Variants in FER observed in about 807,000 individuals in gnomAD.
FER encodes the protein tyrosine-protein kinase Fer.
A neutral mutation model predicts 111.0 loss-of-function variants in FER; 63 were observed. The ratio of observed to expected loss-of-function variants is 0.57; its 90% CI spans 0.46 to 0.70. The LOEUF is 0.70. Among genes scored for constraint, FER ranks in the 30% least tolerant of loss-of-function variants. The pLI is 0.00. For missense variants in FER, 914 were observed against 954.0 expected (o/e 0.96, Z 0.55); for synonymous variants, 327 against 313.9 (o/e 1.04, Z -0.44).
chr5:108,915,410 T>G (rs1752137464), intron 10 of FER, among the ~76,000 whole-genome samples: 1 of 152,158 alleles, frequency 6.6e-6, no homozygotes, highest in Non-Finnish European at 1.5e-5. Context: ...AGGCAGAGGA[T>G]GCATGAGCCG....
intron 17 of FER, among the ~76,000 whole-genome samples, chr5:109,131,174 C>G (rs1485837746): frequency 3.9e-5 from 6 of 152,186 alleles, no homozygotes; most frequent in East Asian, 3.9e-4. Context: ...CTCACAAGTT[C>G]AAAATTGTAG....
At chr5:108,761,024 G>C (rs1751681101) in intron 1 of FER, among the ~76,000 whole-genome samples, 1 of 151,848 alleles carries the variant, frequency 6.6e-6, no homozygotes, top group African/African-American at 2.4e-5. Flanking sequence ...TCCGCCTCCT[G>C]GGTTCAAGCA....
intron 13 of FER, among the ~76,000 whole-genome samples, chr5:109,031,380 G>A (rs1395447617): frequency 6.6e-6 from 1 of 152,108 alleles, no homozygotes; most frequent in Non-Finnish European, 1.5e-5. Flanking sequence ...AAGGAGCAGG[G>A]AGAATTATGC....
At chr5:108,984,998 G>C (rs954742096) in intron 13 of FER, among the ~76,000 whole-genome samples, 2 of 152,024 alleles carry the variant, frequency 1.3e-5, no homozygotes, top group Non-Finnish European at 2.9e-5. Flanking sequence ...GCAATTTTGA[G>C]TATCTAATAA....
intron 10 of FER, among the ~76,000 whole-genome samples, chr5:108,937,158 T>C (rs932356603): frequency 6.6e-6 from 1 of 152,012 alleles, no homozygotes; most frequent in Non-Finnish European, 1.5e-5. Flanking sequence ...ATATGTAGCA[T>C]TTATTTTAAT....
chr5:109,144,754 C>G (rs998920305), intron 17 of FER, among the ~76,000 whole-genome samples: 5 of 151,746 alleles, frequency 3.3e-5, no homozygotes, highest in South Asian at 2.1e-4. Flanking sequence ...ACCTAGGACC[C>G]AAAGCATTTA....
intron 2 of FER, among the ~76,000 whole-genome samples, chr5:108,788,534 C>CT (rs111580201): frequency 0.14 from 21,017 of 146,112 alleles, 2,677 homozygotes; most frequent in African/African-American, 0.35. Flanking sequence ...ACACTAATAT[C>CT]TTTTTTTTTT....
chr5:109,069,152 A>G (rs1400982435), intron 16 of FER, among the ~76,000 whole-genome samples: 1 of 152,268 alleles, frequency 6.6e-6, no homozygotes, highest in African/African-American at 2.4e-5. Flanking sequence ...GATTCTAGGG[A>G]AAAATCATAC....
intron 10 of FER, chr5:108,924,735 A>G (rs1247258917): frequency 6.5e-6 from 8 of 1,232,076 alleles, no homozygotes; most frequent in Non-Finnish European, 8.1e-6. Context: ...CCTGTAAAAC[A>G]TGTGCTTTAA....
intron 17 of FER, among the ~76,000 whole-genome samples, chr5:109,176,976 TATA>T (rs1416169850): frequency 3.9e-5 from 6 of 152,228 alleles, no homozygotes; most frequent in Non-Finnish European, 7.3e-5. Context: ...TACAAGTTTT[TATA>T]ATAATGTATG....
intron 3 of FER, among the ~76,000 whole-genome samples, chr5:108,818,507 A>G (rs1758506825): frequency 6.6e-6 from 1 of 152,110 alleles, no homozygotes; most frequent in South Asian, 2.1e-4. Flanking sequence ...CAATATTTTT[A>G]ATAATATTAA....
intron 13 of FER, among the ~76,000 whole-genome samples, chr5:109,003,279 A>G (rs991001197): frequency 1.6e-4 from 24 of 152,168 alleles, no homozygotes; most frequent in Admixed American, 1.6e-3. Context: ...ATGTAATACT[A>G]TGCAGCTATA....
intron 13 of FER, among the ~76,000 whole-genome samples, chr5:109,020,693 C>G (rs59216020): frequency 0.12 from 17,780 of 151,940 alleles, 1,106 homozygotes; most frequent in Non-Finnish European, 0.14. Flanking sequence ...ACTTCGCGGC[C>G]GAGCTTTGCC....
chr5:108,910,984 G>A (rs962008095), intron 10 of FER, among the ~76,000 whole-genome samples: 3 of 151,910 alleles, frequency 2.0e-5, no homozygotes, highest in African/African-American at 7.3e-5. Flanking sequence ...ATAATACCCA[G>A]TAGTGGGATT....
At chr5:108,759,184 T>C (rs962305533) in intron 1 of FER, among the ~76,000 whole-genome samples, 1 of 152,224 alleles carries the variant, frequency 6.6e-6, no homozygotes, top group African/African-American at 2.4e-5. Flanking sequence ...AAACCCTTAA[T>C]TGATATCCTA....
chr5:109,112,076 G>A (rs1362565133), intron 17 of FER, among the ~76,000 whole-genome samples: 1 of 151,830 alleles, frequency 6.6e-6, no homozygotes, highest in Non-Finnish European at 1.5e-5. Flanking sequence ...TGCTTTTTGT[G>A]GGGAAAGAAG....
chr5:109,049,589 A>T (rs1010313302), intron 16 of FER, among the ~76,000 whole-genome samples: 1 of 152,142 alleles, frequency 6.6e-6, no homozygotes, highest in Non-Finnish European at 1.5e-5. Flanking sequence ...AAAATGCTAA[A>T]TTAAAACTAT....
intron 5 of FER, among the ~76,000 whole-genome samples, chr5:108,845,143 G>C (rs1273557686): frequency 3.5e-5 from 5 of 142,850 alleles, no homozygotes; most frequent in Non-Finnish European, 7.7e-5. Context: ...TACTGAACTT[G>C]TTTATTAATT....
intron 17 of FER, among the ~76,000 whole-genome samples, chr5:109,114,554 C>T (rs1750008030): frequency 1.3e-5 from 2 of 151,936 alleles, no homozygotes; most frequent in African/African-American, 2.4e-5. Context: ...TTCTTCAGGG[C>T]CAAATACTGT....
Sources: allele counts gnomAD v4.1 joint callset (sites outside exome capture counted in the v4.1 genomes callset), GRCh38; gene constraint gnomAD v4.1.1; transcripts MANE v1.5; gene names NCBI Gene and HGNC (gene_info 2026-07-23, HGNC 2026-07-21).